Variants in SV2B observed in about 807,000 individuals in gnomAD.
SV2B encodes solute carrier family 22 member B2.
A neutral mutation model predicts 73.9 loss-of-function variants in SV2B; 41 were observed. The observed-to-expected ratio is 0.56, with a 90% confidence interval of 0.43 to 0.72. The LOEUF (loss-of-function observed/expected upper bound fraction) is 0.72, where lower values mean the gene tolerates loss of function less well. Among genes scored for constraint, SV2B ranks in the 30% least tolerant of loss-of-function variants. The pLI, the probability that SV2B is intolerant of heterozygous loss-of-function variation, is 0.00. For synonymous variants in SV2B, 314 were observed against 314.2 expected, an observed-to-expected ratio of 1.00 and a Z score of 0.01; for missense variants, 764 against 857.8, an observed-to-expected ratio of 0.89 and a Z score of 1.37.
At chr15:91,254,175 A>G (rs2047594570) in intron 4 of SV2B, among the ~76,000 whole-genome samples, 1 of 151,182 alleles carries the variant, frequency 6.6e-6, no homozygotes, top group African/African-American at 2.4e-5. Flanking sequence ...TCTTGATATA[A>G]TATCATTTTC....
At position 91,139,900 on chromosome 15, in the gene SV2B, C is replaced by T. The variant is rs984668780; in HGVS notation, c.-392+39537C>T. On this transcript the variant is annotated intron_variant, in intron 1 of 12. Coordinates refer to ENST00000394232, the MANE Select transcript of SV2B (RefSeq NM_001323032.3). This position sits in a 1 kb window ranked among gnomAD's most constrained non-coding sequence, Gnocchi z 5.2. ...GCCAAGGAAGGGAGGAAGATCCGGC[C>T]ACTTTGTTCCTAGAGTTTGGTGAGA... Among the ~76,000 whole-genome samples the T allele has an allele frequency of 3.3e-5, 5 of 152,182 alleles. No homozygotes were observed. Among genetic ancestry groups the T allele is most frequent in the African/African-American group, 4.8e-5 (2 of 41,442 alleles).
intron 1 of SV2B, among the ~76,000 whole-genome samples, chr15:91,161,428 A>G (rs1489896207): frequency 1.3e-5 from 2 of 152,224 alleles, no homozygotes; most frequent in African/African-American, 2.4e-5. Flanking sequence ...AGAAAAATAT[A>G]TATTTGACAA....
Position 91,251,973 on chromosome 15 carries a change from C to T in SV2B, c.606C>T (p.Leu202=). Residue 202 remains leucine, a synonymous_variant, in exon 3 of 13, where the codon CTC becomes CTT. Transcript: ENST00000394232. ...TCGTGCAGGGATATGGAGCCTTCCT[C>T]TTCTGCCGACTCATCTCAGGCATCG... is the stretch of plus-strand genomic sequence containing the variant. ...SSFVQGYGAF[L]FCRLISGIGI... 1.2e-6 allele frequency: 2 copies of T among 1,614,080 alleles called. No homozygotes were observed. Among genetic ancestry groups the T allele is most frequent in the Non-Finnish European group, 8.5e-7 (1 of 1,180,014 alleles).
rs146029946 is a variant in SV2B, at chr15:91,284,046, C to T, written c.1533C>T (p.Asn511=). ...ACCTCTACGAGCACAAGTTCATCAA[C>T]TGTCGGTTTATCAACTCCACCTTCC... ...NTDLYEHKFI[N]CRFINSTFLE... is the part of the protein sequence containing the mutation. The change falls in exon 11 of 13, where the codon AAC becomes AAT. Residue 511 remains asparagine (N), a synonymous_variant. Coordinates refer to ENST00000394232, the MANE Select transcript of SV2B (RefSeq NM_001323032.3). This position sits in a 1 kb window ranked among gnomAD's most constrained non-coding sequence, Gnocchi z 4.5. The T allele has an allele frequency of 1.9e-6, 3 of 1,614,220 alleles. No individual in the cohort carries two copies. Among genetic ancestry groups the T allele is most frequent in the Non-Finnish European group, 1.7e-6 (2 of 1,180,046 alleles).
intron 1 of SV2B, among the ~76,000 whole-genome samples, chr15:91,142,485 T>C (rs1420277659): frequency 1.3e-5 from 2 of 152,200 alleles, no homozygotes; most frequent in Non-Finnish European, 1.5e-5. Flanking sequence ...GGAATGCTCA[T>C]GTAGGTGGTG....
At chr15:91,134,003 C>CTTTTTTTTTT (rs1567278795) in intron 1 of SV2B, among the ~76,000 whole-genome samples, 2 of 49,316 alleles carry the variant, frequency 4.1e-5, no homozygotes, top group Non-Finnish European at 7.9e-5. Flanking sequence ...TTTCTTTCTT[C>CTTTTTTTTTT]CTTTTTTTTT....
intron 1 of SV2B, among the ~76,000 whole-genome samples, chr15:91,112,311 C>A (rs959960992): frequency 6.6e-6 from 1 of 152,120 alleles, no homozygotes; most frequent in Non-Finnish European, 1.5e-5. Flanking sequence ...CTGAAATGCT[C>A]CTGCAAGTGG....
intron 1 of SV2B, among the ~76,000 whole-genome samples, chr15:91,180,388 C>T (rs1010921652): frequency 2.0e-5 from 3 of 151,690 alleles, no homozygotes; most frequent in African/African-American, 4.8e-5. Context: ...TTGCTCTTCT[C>T]GAGGAGTATC....
chr15:91,115,263 A>C lies in SV2B; in HGVS notation c.-392+14900A>C, dbSNP rs1399743878. 1.3e-5 allele frequency among the ~76,000 whole-genome samples: 2 copies of C among 152,238 alleles called. No individual in the cohort carries two copies. Among genetic ancestry groups the C allele is most frequent in the African/African-American group, 4.8e-5 (2 of 41,528 alleles). On this transcript the variant is annotated intron_variant, in intron 1 of 12. Coordinates refer to ENST00000394232, the MANE Select transcript of SV2B (RefSeq NM_001323032.3). The surrounding 1 kb of genome is among the most constrained non-coding windows in gnomAD (Gnocchi z 4.3). ...GGTCCTGAGCAGGCGAAACCCACAG[A>C]CGTCCACCACACACACTGAGCTGGC... is the stretch of plus-strand genomic sequence containing the variant.
In SV2B at chr15:91,234,840, G is replaced by C. The variant is rs2046717644; in HGVS notation, c.451+8126G>C. ...GGCTTTTACTAGGTGACTGTGCATT[G>C]GGGAAAGGAAAATAGTCAGACCTTT... On this transcript the variant is annotated intron_variant, in intron 2 of 12. Transcript: ENST00000394232. This position sits in a 1 kb window ranked among gnomAD's most constrained non-coding sequence, Gnocchi z 5.6. Among the ~76,000 whole-genome samples the C allele has an allele frequency of 6.6e-6, 1 of 152,154 alleles. No individual in the cohort carries two copies. The highest frequency in any genetic ancestry group is 1.5e-5 in the Non-Finnish European group (1 of 68,008).
chr15:91,275,402 C>T (rs745494473), intron 9 of SV2B, among the ~76,000 whole-genome samples: 1 of 152,178 alleles, frequency 6.6e-6, no homozygotes. Flanking sequence ...CAACAGAACA[C>T]TCATTTCTTC....
chr15:91,165,088 A>G (rs953971373), intron 1 of SV2B, among the ~76,000 whole-genome samples: 4 of 152,120 alleles, frequency 2.6e-5, no homozygotes, highest in Non-Finnish European at 4.4e-5. Flanking sequence ...TGTAATCCCA[A>G]CACTTTGGGA....
Position 91,284,211 on chromosome 15 carries a change from C to G in SV2B, c.1698C>G (p.Leu566=), listed in dbSNP as rs1033712029. The part of the protein sequence containing the change: ...SALLMDRIGR[L]KMIGGSMLIS... ...TGCTCATGGATAGAATTGGAAGGCT[C>G]AAGATGATTGGTGAGTTGCCAGCAG... is the stretch of plus-strand genomic sequence containing the variant. Residue 566 remains leucine (L), a synonymous_variant, in exon 11 of 13, where the codon CTC becomes CTG. Transcript: ENST00000394232. This position sits in a 1 kb window ranked among gnomAD's most constrained non-coding sequence, Gnocchi z 4.5. 1 of 1,613,992 alleles carries G rather than the reference C, an allele frequency of 6.2e-7. No individual in the cohort carries two copies. Among genetic ancestry groups the G allele is most frequent in the Non-Finnish European group, 8.5e-7 (1 of 1,180,018 alleles).
At chr15:91,149,651 T>C (rs961118000) in intron 1 of SV2B, among the ~76,000 whole-genome samples, 1 of 152,172 alleles carries the variant, frequency 6.6e-6, no homozygotes, top group Non-Finnish European at 1.5e-5. Flanking sequence ...GCAGATCCCA[T>C]TGTCTTATGT....
intron 10 of SV2B, among the ~76,000 whole-genome samples, chr15:91,282,351 T>C (rs1332222719): frequency 1.3e-5 from 2 of 152,246 alleles, no homozygotes; most frequent in South Asian, 4.1e-4. Context: ...ACAAAGACTA[T>C]TTTAAAATCA....
In SV2B at chr15:91,252,555, G is replaced by C; in HGVS notation, c.784+35G>C. ...GGCTCCAAACAGCCTAGGGGGCCCT[G>C]TTTCTATGGCTCCTGCACCCAAACA... On this transcript the variant is annotated intron_variant, in intron 4 of 12. Coordinates refer to ENST00000394232, the MANE Select transcript of SV2B (RefSeq NM_001323032.3). The surrounding 1 kb of genome is among the most constrained non-coding windows in gnomAD (Gnocchi z 4.6). 6.5e-7 allele frequency: 1 copy of C among 1,548,222 alleles called. No homozygotes were observed. The highest frequency in any genetic ancestry group is 8.7e-7 in the Non-Finnish European group (1 of 1,146,404).
chr15:91,122,003 T>C lies in SV2B; in HGVS notation c.-392+21640T>C, dbSNP rs561631395. On this transcript the variant is annotated intron_variant, in intron 1 of 12. Transcript: ENST00000394232. This position sits in a 1 kb window ranked among gnomAD's most constrained non-coding sequence, Gnocchi z 4.3. ...GTTAGCCAGGATGGTCTCGATCTCC[T>C]GACTTCATGATTCGCCTGCCTTGGC... Among the ~76,000 whole-genome samples the C allele has an allele frequency of 3.0e-4, 45 of 152,250 alleles. No individual in the cohort carries two copies. Among genetic ancestry groups the C allele is most frequent in the African/African-American group, 1.1e-3 (45 of 41,554 alleles).
At position 91,297,033 on chromosome 15, in the gene SV2B, C is replaced by A. The variant is rs905556421; in HGVS notation, c.*4481C>A. On this transcript the variant is annotated 3_prime_UTR_variant, in exon 13 of 13. Coordinates refer to ENST00000394232, the MANE Select transcript of SV2B (RefSeq NM_001323032.3). This position sits in a 1 kb window ranked among gnomAD's most constrained non-coding sequence, Gnocchi z 5.1. ...CCCGATCGTTGGGCGCACGCTTCTT[C>A]TGCCTGATCGTTGGGCGCACGCTCC... 1 of 150,808 alleles carries A rather than the reference C, an allele frequency of 6.6e-6. No homozygotes were observed. Among genetic ancestry groups the A allele is most frequent in the East Asian group, 2.0e-4 (1 of 4,940 alleles). 9.3% of individuals were successfully genotyped at this position (150,808 alleles called of 1,614,324 possible).
In SV2B at chr15:91,122,212, A is replaced by G. The variant is rs1255073727; in HGVS notation, c.-392+21849A>G. 6.6e-6 allele frequency among the ~76,000 whole-genome samples: 1 copy of G among 152,178 alleles called. No individual in the cohort carries two copies. The highest frequency in any genetic ancestry group is 1.5e-5 in the Non-Finnish European group (1 of 68,030). On this transcript the variant is annotated intron_variant, in intron 1 of 12. Coordinates refer to ENST00000394232, the MANE Select transcript of SV2B (RefSeq NM_001323032.3). The surrounding 1 kb of genome is among the most constrained non-coding windows in gnomAD (Gnocchi z 4.3). ...ACTAGAAATGTATTATCTCATCGAT[A>G]TATGTTCCATTAAAGCCAGGGGTGT...
Sources: gnomAD v4.1 joint callset for allele counts (sites outside exome capture counted in the v4.1 genomes callset) on GRCh38, gnomAD v4.1.1 for gene constraint, Gnocchi (gnomAD v3.1) non-coding constraint, MANE v1.5 for transcripts, NCBI Gene and HGNC (gene_info 2026-07-23, HGNC 2026-07-21) for gene names.